PPP2R2B: variants seen among roughly 807,000 people sequenced by gnomAD.
The protein encoded by PPP2R2B is serine/threonine-protein phosphatase 2A 55 kDa regulatory subunit B beta isoform.
A neutral mutation model predicts 46.0 loss-of-function variants in PPP2R2B; 5 were observed. That is an observed-to-expected ratio of 0.11 (90% confidence interval 0.06 to 0.23). The LOEUF (loss-of-function observed/expected upper bound fraction) is 0.23. Among genes scored for constraint, PPP2R2B ranks in the 10% least tolerant of loss-of-function variants. The pLI is 1.00. For missense variants in PPP2R2B, 367 were observed against 575.0 expected (o/e 0.64, Z 3.70); for synonymous variants, 215 against 206.7 (o/e 1.04, Z -0.34).
Position 146,590,090 on chromosome 5 carries a change from C to A in PPP2R2B, c.1189G>T (p.Gly397Cys), listed in dbSNP as rs754401496. 5.0e-6 allele frequency: 8 copies of A among 1,613,930 alleles called. No homozygotes were observed. The highest frequency in any genetic ancestry group is 1.7e-5 in the Admixed American group (1 of 59,974). The change falls in exon 10 of 10, where the codon GGC (glycine) becomes TGC (cysteine). Residue 397 changes from glycine to cysteine, a missense_variant. By Grantham distance (159) the Gly-to-Cys change is radical. Coordinates refer to ENST00000394411, the MANE Select transcript of PPP2R2B (RefSeq NM_181675.4). ...CTGATCTCGTCTTTTCTCCGCTTGCCCCCCACACACACTTTTCGGGGTTTG... is the reference window on the plus strand; with the variant it reads ...CTGATCTCGTCTTTTCTCCGCTTGCACCCCACACACACTTTTCGGGGTTTG... ...ILKPRKVCVG[G>C]KRRKDEISVD...
intron 5 of PPP2R2B, among the ~76,000 whole-genome samples, chr5:146,678,479 G>A (rs1158075280): frequency 2.9e-5 from 4 of 135,894 alleles, no homozygotes; most frequent in South Asian, 2.3e-4. Context: ...TTGGAAACTG[G>A]CACAAGACAG....
chr5:146,841,353 G>A (rs374949646), intron 2 of PPP2R2B, among the ~76,000 whole-genome samples: 3 of 152,086 alleles, frequency 2.0e-5, no homozygotes, highest in East Asian at 1.9e-4. Flanking sequence ...TTTTAAAGAC[G>A]CTGTTCAGTC....
chr5:146,808,359 C>A (rs2151314906), intron 2 of PPP2R2B, among the ~76,000 whole-genome samples: 1 of 152,342 alleles, frequency 6.6e-6, no homozygotes, highest in Non-Finnish European at 1.5e-5. Context: ...AGAGCAAGTT[C>A]TATTGCATAG....
At chr5:146,660,582 C>T (rs966088618) in intron 5 of PPP2R2B, among the ~76,000 whole-genome samples, 3 of 152,134 alleles carry the variant, frequency 2.0e-5, no homozygotes, top group African/African-American at 7.2e-5. Context: ...CAGAATGAAA[C>T]TGCCACTCAC....
At chr5:146,838,393 G>A (rs774201419) in intron 2 of PPP2R2B, among the ~76,000 whole-genome samples, 1 of 151,958 alleles carries the variant, frequency 6.6e-6, no homozygotes, top group African/African-American at 2.4e-5. Context: ...CCAACATGGT[G>A]GATCCCTGTC....
At chr5:146,992,612 G>T (rs1753742451) in intron 1 of PPP2R2B, among the ~76,000 whole-genome samples, 1 of 152,214 alleles carries the variant, frequency 6.6e-6, no homozygotes, top group African/African-American at 2.4e-5. Flanking sequence ...CCGCCAGGGT[G>T]TTGGGGGAGT....
intron 1 of PPP2R2B, among the ~76,000 whole-genome samples, chr5:146,901,729 T>C (rs1021806698): frequency 6.6e-6 from 1 of 152,082 alleles, no homozygotes; most frequent in African/African-American, 2.4e-5. Context: ...GAGGAAGATT[T>C]ACTTGGTTAG....
chr5:147,019,541 G>A (rs149205090), intron 1 of PPP2R2B, among the ~76,000 whole-genome samples: 1 of 152,258 alleles, frequency 6.6e-6, no homozygotes, highest in African/African-American at 2.4e-5. Context: ...AAAACCTGGT[G>A]AAGTGAGATC....
chr5:146,869,093 A>G (rs1419092361), intron 2 of PPP2R2B, among the ~76,000 whole-genome samples: 1 of 152,188 alleles, frequency 6.6e-6, no homozygotes, highest in Non-Finnish European at 1.5e-5. Flanking sequence ...ATTCAAATCC[A>G]CAATGGTTTT....
chr5:146,825,433 C>A (rs1011131431), intron 2 of PPP2R2B, among the ~76,000 whole-genome samples: 5 of 152,202 alleles, frequency 3.3e-5, no homozygotes, highest in Non-Finnish European at 7.3e-5. Flanking sequence ...TAAAGTATCT[C>A]TTTTTACTCT....
chr5:146,648,347 C>T (rs1223365200), intron 6 of PPP2R2B, among the ~76,000 whole-genome samples: 3 of 152,110 alleles, frequency 2.0e-5, no homozygotes, highest in African/African-American at 4.8e-5. Flanking sequence ...AGACTTCATA[C>T]GAAAATAATC....
chr5:147,049,724 C>T (rs1756711234), intron 1 of PPP2R2B, among the ~76,000 whole-genome samples: 1 of 152,164 alleles, frequency 6.6e-6, no homozygotes, highest in South Asian at 2.1e-4. Flanking sequence ...ATGGAGCAAT[C>T]ATCTGTCAGT....
intron 1 of PPP2R2B, among the ~76,000 whole-genome samples, chr5:147,042,771 A>AG (rs1215813911): frequency 6.6e-6 from 1 of 152,116 alleles, no homozygotes; most frequent in African/African-American, 2.4e-5. Flanking sequence ...GAGTGATGGG[A>AG]GGTGTGCTTT....
chr5:146,950,607 A>C (rs1764623154), intron 1 of PPP2R2B, among the ~76,000 whole-genome samples: 3 of 152,026 alleles, frequency 2.0e-5, no homozygotes. Flanking sequence ...TAATGCTTTT[A>C]AAAGGTAGTG....
intron 2 of PPP2R2B, among the ~76,000 whole-genome samples, chr5:146,803,017 A>AAGC (rs1756958486): frequency 6.6e-6 from 1 of 152,160 alleles, no homozygotes; most frequent in Non-Finnish European, 1.5e-5. Flanking sequence ...ATGTCAGAGA[A>AAGC]AGCAGGATAC....
At chr5:146,725,376 A>G (rs1751799215) in intron 2 of PPP2R2B, among the ~76,000 whole-genome samples, 1 of 152,184 alleles carries the variant, frequency 6.6e-6, no homozygotes, top group South Asian at 2.1e-4. Flanking sequence ...TTCTGCCACT[A>G]CACTGTCAGA....
intron 6 of PPP2R2B, among the ~76,000 whole-genome samples, chr5:146,644,239 A>G (rs1775425608): frequency 7.1e-6 from 1 of 141,152 alleles, no homozygotes; most frequent in South Asian, 2.3e-4. Context: ...AGTTTCAAAA[A>G]AAAAAAAAAA....
chr5:147,024,278 T>C (rs1348922866), intron 1 of PPP2R2B, among the ~76,000 whole-genome samples: 1 of 152,062 alleles, frequency 6.6e-6, no homozygotes, highest in African/African-American at 2.4e-5. Flanking sequence ...GACATTAATA[T>C]ATTAAATGCA....
intron 4 of PPP2R2B, among the ~76,000 whole-genome samples, chr5:146,692,734 C>T (rs1396665024): frequency 2.0e-5 from 3 of 151,798 alleles, no homozygotes; most frequent in Non-Finnish European, 2.9e-5. Context: ...CGGGGTTTCA[C>T]CGTGTTAGCC....
Sources: allele counts gnomAD v4.1 joint callset (sites outside exome capture counted in the v4.1 genomes callset), GRCh38; gene constraint gnomAD v4.1.1; transcripts MANE v1.5; gene names NCBI Gene and HGNC (gene_info 2026-07-23, HGNC 2026-07-21).